The following PCDHGA12 variants were observed in gnomAD, a reference collection of about 807,000 sequenced individuals.
PCDHGA12 encodes protocadherin gamma-A12.
PCDHGA12 carries 43 observed loss-of-function variants against 61.1 expected under a neutral mutation model. That is an observed-to-expected ratio of 0.70 (90% CI 0.55 to 0.91). The LOEUF (loss-of-function observed/expected upper bound fraction) is 0.91. PCDHGA12 is among the 40% of genes least tolerant of loss of function. The pLI, the probability that PCDHGA12 is intolerant of heterozygous loss-of-function variation, is 0.00. For missense variants in PCDHGA12, 1,236 were observed against 1,227.7 expected (o/e 1.01, Z -0.10); for synonymous variants, 520 against 542.9 (o/e 0.96, Z 0.59).
rs1562063782 is a variant in PCDHGA12, at chr5:141,477,676, A to G, written c.2425-17131A>G. ...TAAATCGTGACAATGGCATAGTGTC[A>G]TCCTTAGTGCCCCTAGACTATGAGG... On this transcript the variant is annotated intron_variant, in intron 1 of 3. Coordinates refer to ENST00000252085, the MANE Select transcript of PCDHGA12 (RefSeq NM_003735.3). This position sits in a 1 kb window ranked among gnomAD's most constrained non-coding sequence, Gnocchi z 4.9. The G allele has an allele frequency of 1.2e-6, 2 of 1,614,194 alleles. No homozygotes were observed. The highest frequency in any genetic ancestry group is 1.7e-6 in the Non-Finnish European group (2 of 1,180,046).
Position 141,431,135 on chromosome 5 carries a change from A to C in PCDHGA12, c.376A>C (p.Ile126Leu). ...TGGAGTAGAAGTAGAAGTAAGGGAC[A>C]TTAACGACAATGCGCCTTACTTTCG... ...IYGVEVEVRD[I>L]NDNAPYFRES... Residue 126 changes from isoleucine to leucine, a missense_variant, in exon 1 of 4, where the codon ATT becomes CTT. By Grantham distance (5) the Ile-to-Leu change is conservative. Coordinates refer to ENST00000252085, the MANE Select transcript of PCDHGA12 (RefSeq NM_003735.3). The surrounding 1 kb of genome is among the most constrained non-coding windows in gnomAD (Gnocchi z 4.8). 1 of 1,614,266 alleles carries C rather than the reference A, an allele frequency of 6.2e-7. No homozygotes were observed. Among genetic ancestry groups the C allele is most frequent in the Non-Finnish European group, 8.5e-7 (1 of 1,180,042 alleles).
intron 3 of PCDHGA12, among the ~76,000 whole-genome samples, chr5:141,510,660 G>A (rs2099882170): frequency 1.3e-5 from 2 of 152,174 alleles, no homozygotes; most frequent in East Asian, 1.9e-4. Context: ...TTTTGCAGAT[G>A]AGAAAACTGA....
At chr5:141,435,346 G>A (rs2097758346) in intron 1 of PCDHGA12, among the ~76,000 whole-genome samples, 1 of 152,012 alleles carries the variant, frequency 6.6e-6, no homozygotes, top group South Asian at 2.1e-4. Flanking sequence ...TATTTCTTCT[G>A]CATTTAAAAT....
In PCDHGA12 at chr5:141,431,932, C is replaced by A; in HGVS notation, c.1173C>A (p.Pro391=). 1 of 1,614,172 alleles carries A rather than the reference C, an allele frequency of 6.2e-7. No homozygotes were observed. Among genetic ancestry groups the A allele is most frequent in the Non-Finnish European group, 8.5e-7 (1 of 1,180,002 alleles). ...QVICFIQGNL[P]FKLEKSYGNY... The stretch of plus-strand genomic sequence containing the variant: ...TCTGTTTCATCCAAGGAAATCTGCC[C>A]TTTAAATTAGAAAAATCTTACGGAA... Residue 391 remains proline (P), a synonymous_variant, in exon 1 of 4, where the codon CCC becomes CCA. Transcript: ENST00000252085. The surrounding 1 kb of genome is among the most constrained non-coding windows in gnomAD (Gnocchi z 4.8).
At chr5:141,496,588 C>T (rs775641672) in intron 2 of PCDHGA12, among the ~76,000 whole-genome samples, 9 of 152,280 alleles carry the variant, frequency 5.9e-5, no homozygotes, top group Non-Finnish European at 1.0e-4. Context: ...GAACGCAAAG[C>T]GCTTCTTAGA....
chr5:141,462,646 A>G (rs1371582710), intron 1 of PCDHGA12, among the ~76,000 whole-genome samples: 1 of 137,316 alleles, frequency 7.3e-6, no homozygotes, highest in Non-Finnish European at 1.5e-5. Flanking sequence ...TTTCATTTCC[A>G]TCCTCAATTA....
At position 141,505,495 on chromosome 5, in the gene PCDHGA12, G is replaced by A. The variant is rs767547572; in HGVS notation, c.2572+14G>A. On this transcript the variant is annotated intron_variant, in intron 3 of 3. Transcript: ENST00000252085. ...CGTCCGCCAGTGGTAAGTGGTGTCA[G>A]TGTGTGTATGGAAGAGTGGGAGACC... The A allele has an allele frequency of 7.9e-5, 128 of 1,614,092 alleles. No homozygotes were observed. Among genetic ancestry groups the A allele is most frequent in the Non-Finnish European group, 1.0e-4 (123 of 1,180,008 alleles).
chr5:141,453,732 C>T (rs182118864), intron 1 of PCDHGA12, among the ~76,000 whole-genome samples: 9 of 152,332 alleles, frequency 5.9e-5, no homozygotes. Context: ...TTTGTTACTA[C>T]AGCTTAAATA....
Position 141,491,898 on chromosome 5 carries a change from G to C in PCDHGA12, c.2425-2909G>C, listed in dbSNP as rs772673872. 9.0e-5 allele frequency: 129 copies of C among 1,428,816 alleles called. 1 individual carries two copies. In the Middle Eastern group the frequency reaches 2.0e-3, roughly 22 times the overall value. The allele number at this position is 1,428,816 out of a possible 1,614,324, so 88.5% of individuals were successfully genotyped here. On this transcript the variant is annotated intron_variant, in intron 1 of 3. Coordinates refer to ENST00000252085, the MANE Select transcript of PCDHGA12 (RefSeq NM_003735.3). The surrounding 1 kb of genome is among the most constrained non-coding windows in gnomAD (Gnocchi z 6.9). ...ATTAAGGGATGGGGCTCCGAGCACCGGGGGTGGTGGCGACTGTGGGCGAGG... is the reference window on the plus strand; with the variant it reads ...ATTAAGGGATGGGGCTCCGAGCACCCGGGGTGGTGGCGACTGTGGGCGAGG...
chr5:141,462,552 T>A (rs966816379), intron 1 of PCDHGA12, among the ~76,000 whole-genome samples: 1 of 152,194 alleles, frequency 6.6e-6, no homozygotes, highest in Non-Finnish European at 1.5e-5. Context: ...TCTTCTTCAG[T>A]GTTTACTGTA....
Position 141,433,047 on chromosome 5 carries a change from C to T in PCDHGA12, c.2288C>T (p.Ser763Leu), listed in dbSNP as rs1561867159. Residue 763 changes from serine (S) to leucine (L), a missense_variant, in exon 1 of 4, where the codon TCG (serine) becomes TTG (leucine). Transcript: ENST00000252085. ...YSHEVSLTTD[S>L]RKSHLIFPQP... ...CACGAGGTTTCCCTCACCACGGACT[C>T]GCGGAAGAGTCACCTGATCTTCCCC... 1 of 1,614,046 alleles carries T rather than the reference C, an allele frequency of 6.2e-7. No homozygotes were observed. The highest frequency in any genetic ancestry group is 1.3e-5 in the African/African-American group (1 of 74,930).
Position 141,477,256 on chromosome 5 carries a change from T to G in PCDHGA12, c.2425-17551T>G. 2 of 1,614,210 alleles carry G rather than the reference T, an allele frequency of 1.2e-6. No homozygotes were observed. The highest frequency in any genetic ancestry group is 1.7e-6 in the Non-Finnish European group (2 of 1,180,038). On this transcript the variant is annotated intron_variant, in intron 1 of 3. Coordinates refer to ENST00000252085, the MANE Select transcript of PCDHGA12 (RefSeq NM_003735.3). This position sits in a 1 kb window ranked among gnomAD's most constrained non-coding sequence, Gnocchi z 4.9. Reference sequence around the variant, plus strand: ...CTTTGCTCAGTGTGACTGACCTGGATGCTGGCGAGAACGGGCTGGTGACCT... The same window carrying G: ...CTTTGCTCAGTGTGACTGACCTGGAGGCTGGCGAGAACGGGCTGGTGACCT...
At position 141,511,106 on chromosome 5, in the gene PCDHGA12, G is replaced by T. The variant is rs536900646; in HGVS notation, c.2732G>T (p.Arg911Leu). ...NATLTNAAGK[R>L]DGKAPAGGNG... is the part of the protein sequence containing the mutation. Reference sequence around the variant, plus strand: ...ACACTGACCAACGCAGCTGGCAAGCGGGATGGCAAGGCCCCAGCAGGTGGC... The same window carrying T: ...ACACTGACCAACGCAGCTGGCAAGCTGGATGGCAAGGCCCCAGCAGGTGGC... Residue 911 changes from arginine to leucine, a missense_variant, in exon 4 of 4, where the codon CGG becomes CTG. Transcript: ENST00000252085. 8.7e-6 allele frequency: 14 copies of T among 1,614,196 alleles called. No individual in the cohort carries two copies. Among genetic ancestry groups the T allele is most frequent in the Non-Finnish European group, 1.2e-5 (14 of 1,180,016 alleles).
intron 2 of PCDHGA12, among the ~76,000 whole-genome samples, chr5:141,496,347 T>C (rs1168306693): frequency 6.6e-6 from 1 of 152,198 alleles, no homozygotes; most frequent in Non-Finnish European, 1.5e-5. Context: ...TGGAGGAGTC[T>C]CAGAGCCCAG....
At chr5:141,499,648 CAT>C (rs1434824310) in intron 2 of PCDHGA12, among the ~76,000 whole-genome samples, 2 of 148,784 alleles carry the variant, frequency 1.3e-5, no homozygotes, top group Admixed American at 6.7e-5. Flanking sequence ...TCTCAGACAT[CAT>C]ATAATTTCAT....
At position 141,486,415 on chromosome 5, in the gene PCDHGA12, T is replaced by C. The variant is rs745877804; in HGVS notation, c.2425-8392T>C. On this transcript the variant is annotated intron_variant, in intron 1 of 3. Transcript: ENST00000252085. The surrounding 1 kb of genome is among the most constrained non-coding windows in gnomAD (Gnocchi z 5.0). ...CCCTGGTGACTGCTGGACCCTTGGA[T>C]CGAGAGGCCAAATCTAGCTATGACA... 6.2e-7 allele frequency: 1 copy of C among 1,614,176 alleles called. No individual in the cohort carries two copies. The highest frequency in any genetic ancestry group is 8.5e-7 in the Non-Finnish European group (1 of 1,180,022).
Position 141,431,560 on chromosome 5 carries a change from C to G in PCDHGA12, c.801C>G (p.Thr267=), listed in dbSNP as rs751276470. The G allele has an allele frequency of 6.2e-7, 1 of 1,613,986 alleles. No individual in the cohort carries two copies. The highest frequency in any genetic ancestry group is 1.7e-5 in the Admixed American group (1 of 60,016). Residue 267 remains threonine, a synonymous_variant, in exon 1 of 4, where the codon ACC becomes ACG. Transcript: ENST00000252085. This position sits in a 1 kb window ranked among gnomAD's most constrained non-coding sequence, Gnocchi z 4.8. Reference sequence around the variant, plus strand: ...CGCAGCTGCTTGTAGTCAACGCTACCGACCCTGACGAAGGAGTCAATGCGG... The same window carrying G: ...CGCAGCTGCTTGTAGTCAACGCTACGGACCCTGACGAAGGAGTCAATGCGG... The part of the protein sequence containing the change: ...LGTQLLVVNA[T]DPDEGVNAEV...
intron 1 of PCDHGA12, 67 bp downstream of exon 1, chr5:141,433,250 G>A: frequency 1.4e-6 from 2 of 1,440,892 alleles, no homozygotes; most frequent in Non-Finnish European, 1.9e-6. Flanking sequence ...CTGGAATGCA[G>A]CGGTACGATC....
intron 1 of PCDHGA12, among the ~76,000 whole-genome samples, chr5:141,449,636 TA>T (rs1448731592): frequency 7.3e-5 from 11 of 150,610 alleles, no homozygotes; most frequent in Non-Finnish European, 1.2e-4. Flanking sequence ...AAGATGTATC[TA>T]TATATACATA....
Sources: gnomAD v4.1 joint callset for allele counts (sites outside exome capture counted in the v4.1 genomes callset) on GRCh38, gnomAD v4.1.1 for gene constraint, Gnocchi (gnomAD v3.1) non-coding constraint, MANE v1.5 for transcripts, NCBI Gene and HGNC (gene_info 2026-07-23, HGNC 2026-07-21) for gene names.